The following C15orf62 variants were observed in gnomAD, a reference collection of about 807,000 sequenced individuals.
The protein encoded by C15orf62 is chromosome 15 open reading frame 62, also known as uncharacterized protein C15orf62, mitochondrial.
C15orf62 carries 11 observed loss-of-function variants against 13.2 expected under a neutral mutation model. That is an observed-to-expected ratio of 0.83 (90% CI 0.52 to 1.38). The LOEUF (loss-of-function observed/expected upper bound fraction) is 1.38. Ranked by LOEUF, C15orf62 falls within the 40% of genes most tolerant of loss-of-function variation. The pLI is 0.00. For synonymous variants in C15orf62, 88 were observed against 95.6 expected (o/e 0.92, Z 0.46); for missense variants, 204 against 229.1 (o/e 0.89, Z 0.71).
At position 40,770,679 on chromosome 15, in the gene C15orf62, C is replaced by A; in HGVS notation, c.184C>A (p.Arg62=). ...GGAGCTACAAGGGAGGCCAGATGGC[C>A]GGCGCCTGCCACTGTGGGGGGACGA... ...IRELQGRPDG[R]RLPLWGDEQP... is the part of the protein sequence containing the mutation. Residue 62 remains arginine, a synonymous_variant, in exon 1 of 1, where the codon CGG becomes AGG. Coordinates refer to ENST00000344320, the MANE Select transcript of C15orf62 (RefSeq NM_001130448.3). This position sits in a 1 kb window ranked among gnomAD's most constrained non-coding sequence, Gnocchi z 5.0. The A allele has an allele frequency of 6.5e-7, 1 of 1,548,082 alleles. No homozygotes were observed.
At position 40,771,092 on chromosome 15, in the gene C15orf62, G is replaced by A; in HGVS notation, c.*69G>A. On this transcript the variant is annotated 3_prime_UTR_variant, in exon 1 of 1. Coordinates refer to ENST00000344320, the MANE Select transcript of C15orf62 (RefSeq NM_001130448.3). Reference sequence around the variant, plus strand: ...AGGCTGGGGATTAAGGAAAGGACAGGGACAGGACTCCAGGCCCATCGCTGG... The same window carrying A: ...AGGCTGGGGATTAAGGAAAGGACAGAGACAGGACTCCAGGCCCATCGCTGG... The A allele has an allele frequency of 2.8e-6, 4 of 1,421,134 alleles. No individual in the cohort carries two copies. Among genetic ancestry groups the A allele is most frequent in the Middle Eastern group, 2.2e-4 (1 of 4,598 alleles). 88.0% of individuals were successfully genotyped at this position (1,421,134 alleles called of 1,614,324 possible).
At position 40,771,034 on chromosome 15, in the gene C15orf62, G is replaced by A. The variant is rs1258612348; in HGVS notation, c.*11G>A. The A allele has an allele frequency of 1.3e-6, 2 of 1,549,284 alleles. No homozygotes were observed. Among genetic ancestry groups the A allele is most frequent in the Non-Finnish European group, 1.7e-6 (2 of 1,146,148 alleles). On this transcript the variant is annotated 3_prime_UTR_variant, in exon 1 of 1. Coordinates refer to ENST00000344320, the MANE Select transcript of C15orf62 (RefSeq NM_001130448.3). ...GAGCCCAGCTTCTAAATGGGGTGAG[G>A]GTGGGCAAAGCCGGGGTGACTGGAA...
Position 40,770,646 on chromosome 15 carries a change from G to A in C15orf62, c.151G>A (p.Val51Ile). Residue 51 changes from valine (V) to isoleucine (I), a missense_variant, in exon 1 of 1, where the codon GTC (valine) becomes ATC (isoleucine). By Grantham distance (29) the Val-to-Ile change is conservative (BLOSUM62 3). Transcript: ENST00000344320. The surrounding 1 kb of genome is among the most constrained non-coding windows in gnomAD (Gnocchi z 5.0). Reference sequence around the variant, plus strand: ...CCACGAGGAGTACAGCAACCGAGAAGTCATCCGGGAGCTACAAGGGAGGCC... The same window carrying A: ...CCACGAGGAGTACAGCAACCGAGAAATCATCCGGGAGCTACAAGGGAGGCC... Reference protein sequence around the residue: ...GDHEEYSNREVIRELQGRPDG... With the variant: ...GDHEEYSNREIIRELQGRPDG... The A allele has an allele frequency of 6.5e-7, 1 of 1,550,228 alleles. No homozygotes were observed. Among genetic ancestry groups the A allele is most frequent in the Non-Finnish European group, 8.7e-7 (1 of 1,146,960 alleles).
chr15:40,770,467 A>G lies in C15orf62; in HGVS notation c.-29A>G, dbSNP rs755259960. 2.7e-5 allele frequency: 41 copies of G among 1,529,772 alleles called. No homozygotes were observed. In the African/African-American group the frequency reaches 5.2e-4, roughly 20 times the overall value. 94.8% of individuals were successfully genotyped at this position (1,529,772 alleles called of 1,614,324 possible). A position where few individuals can be genotyped will look rare whatever the true frequency, so the allele number is the denominator to read the frequency against. On this transcript the variant is annotated 5_prime_UTR_variant, in exon 1 of 1. Transcript: ENST00000344320. The surrounding 1 kb of genome is among the most constrained non-coding windows in gnomAD (Gnocchi z 5.0). ...CCACATGCACCCTGGCTGCTCCTGA[A>G]CACCTGTCTGCTGGCTCCCCTGGGC...
rs1889129231 is a variant in C15orf62, at chr15:40,771,176, G to T, written c.*153G>T. 6.8e-6 allele frequency: 5 copies of T among 735,814 alleles called. No individual in the cohort carries two copies. The highest frequency in any genetic ancestry group is 1.1e-5 in the Non-Finnish European group (5 of 446,930). 45.6% of individuals were successfully genotyped at this position (735,814 alleles called of 1,614,324 possible). A position where few individuals can be genotyped will look rare whatever the true frequency, so the allele number is the denominator to read the frequency against. On this transcript the variant is annotated 3_prime_UTR_variant, in exon 1 of 1. Transcript: ENST00000344320. Reference sequence around the variant, plus strand: ...GGGAGGATTCCAGGATAGGAATCCAGGGCTCTGCCTGCTCTCTGGGTCCTG... The same window carrying T: ...GGGAGGATTCCAGGATAGGAATCCATGGCTCTGCCTGCTCTCTGGGTCCTG...
rs1889108948 is a variant in C15orf62 at position 40,770,698 on chromosome 15, G to A, written c.203G>A (p.Gly68Glu). ...GATGGCCGGCGCCTGCCACTGTGGG[G>A]GGACGAGCAGCCCCGGGCCACCCTG... The part of the protein sequence containing the change: ...RPDGRRLPLW[G>E]DEQPRATLLA... Residue 68 changes from glycine (G) to glutamate (E), a missense_variant, in exon 1 of 1, where the codon GGG becomes GAG. Gly to Glu is a moderately conservative substitution (Grantham distance 98). Coordinates refer to ENST00000344320, the MANE Select transcript of C15orf62 (RefSeq NM_001130448.3). This position sits in a 1 kb window ranked among gnomAD's most constrained non-coding sequence, Gnocchi z 5.0. The A allele has an allele frequency of 1.3e-6, 2 of 1,547,698 alleles. No individual in the cohort carries two copies. Among genetic ancestry groups the A allele is most frequent in the East Asian group, 2.4e-5 (1 of 40,906 alleles).
In C15orf62 at chr15:40,771,096, A is replaced by G. The variant is rs887614358; in HGVS notation, c.*73A>G. 18 of 1,391,156 alleles carry G rather than the reference A, an allele frequency of 1.3e-5. No homozygotes were observed. The highest frequency in any genetic ancestry group is 1.7e-5 in the Non-Finnish European group (17 of 1,019,278). 86.2% of individuals were successfully genotyped at this position (1,391,156 alleles called of 1,614,324 possible). Reference sequence around the variant, plus strand: ...TGGGGATTAAGGAAAGGACAGGGACAGGACTCCAGGCCCATCGCTGGAGGG... The same window carrying G: ...TGGGGATTAAGGAAAGGACAGGGACGGGACTCCAGGCCCATCGCTGGAGGG... On this transcript the variant is annotated 3_prime_UTR_variant, in exon 1 of 1. Coordinates refer to ENST00000344320, the MANE Select transcript of C15orf62 (RefSeq NM_001130448.3).
chr15:40,770,743 C>A lies in C15orf62; in HGVS notation c.248C>A (p.Pro83Gln). 3 of 1,545,588 alleles carry A rather than the reference C, an allele frequency of 1.9e-6. No homozygotes were observed. Among genetic ancestry groups the A allele is most frequent in the Non-Finnish European group, 2.6e-6 (3 of 1,146,940 alleles). Residue 83 changes from proline to glutamine, a missense_variant, in exon 1 of 1, where the codon CCA (proline) becomes CAA (glutamine). Physicochemically the swap from Pro to Gln is moderately conservative, Grantham distance 76 (BLOSUM62 -1). Coordinates refer to ENST00000344320, the MANE Select transcript of C15orf62 (RefSeq NM_001130448.3). The surrounding 1 kb of genome is among the most constrained non-coding windows in gnomAD (Gnocchi z 5.0). ...ACCCTGCTGGCCCCACCCAAGCCCC[C>A]ACGCCTCTACCGAGAGAGCTCAAGC... ...RATLLAPPKP[P>Q]RLYRESSSCP...
chr15:40,771,864 A>G lies in C15orf62; in HGVS notation c.*841A>G, dbSNP rs953279332. The G allele has an allele frequency of 6.0e-6, 1 of 167,112 alleles. No individual in the cohort carries two copies. The highest frequency in any genetic ancestry group is 2.4e-5 in the African/African-American group (1 of 41,446). 10.4% of individuals were successfully genotyped at this position (167,112 alleles called of 1,614,324 possible). A position where few individuals can be genotyped will look rare whatever the true frequency, so the allele number is the denominator to read the frequency against. On this transcript the variant is annotated 3_prime_UTR_variant, in exon 1 of 1. Transcript: ENST00000344320. ...AGGTAGAGATAGAGTATAACTCAGG[A>G]AAAAGACCAGGCAAATCCTTAGCAG...
At position 40,770,811 on chromosome 15, in the gene C15orf62, T is replaced by C. The variant is rs1392961119; in HGVS notation, c.316T>C (p.Tyr106His). 2.6e-6 allele frequency: 4 copies of C among 1,550,338 alleles called. No homozygotes were observed. In the African/African-American group the frequency reaches 5.5e-5, roughly 21 times the overall value. ...LEPPPAYTAAYSATLPSALSL... is the reference protein window; with the variant it reads ...LEPPPAYTAAHSATLPSALSL... Reference sequence around the variant, plus strand: ...GCCCCCACCTGCCTACACAGCAGCCTACTCTGCCACCCTGCCATCGGCGCT... The same window carrying C: ...GCCCCCACCTGCCTACACAGCAGCCCACTCTGCCACCCTGCCATCGGCGCT... Residue 106 changes from tyrosine to histidine, a missense_variant, in exon 1 of 1, where the codon TAC (tyrosine) becomes CAC (histidine). Tyr to His is a moderately conservative substitution (Grantham distance 83). Coordinates refer to ENST00000344320, the MANE Select transcript of C15orf62 (RefSeq NM_001130448.3). This position sits in a 1 kb window ranked among gnomAD's most constrained non-coding sequence, Gnocchi z 5.0.
chr15:40,770,725 T>C lies in C15orf62; in HGVS notation c.230T>C (p.Leu77Pro). Reference protein sequence around the residue: ...WGDEQPRATLLAPPKPPRLYR... With the variant: ...WGDEQPRATLPAPPKPPRLYR... ...GACGAGCAGCCCCGGGCCACCCTGC[T>C]GGCCCCACCCAAGCCCCCACGCCTC... The change falls in exon 1 of 1, where the codon CTG (leucine) becomes CCG (proline). Residue 77 changes from leucine (L) to proline (P), a missense_variant. Transcript: ENST00000344320. The surrounding 1 kb of genome is among the most constrained non-coding windows in gnomAD (Gnocchi z 5.0). The C allele has an allele frequency of 4.5e-6, 7 of 1,545,916 alleles. No individual in the cohort carries two copies. The highest frequency in any genetic ancestry group is 6.1e-6 in the Non-Finnish European group (7 of 1,146,898).
chr15:40,770,734 C>G lies in C15orf62; in HGVS notation c.239C>G (p.Pro80Arg). The change falls in exon 1 of 1, where the codon CCC (proline) becomes CGC (arginine). Residue 80 changes from proline to arginine, a missense_variant. By Grantham distance (103) the Pro-to-Arg change is moderately radical (BLOSUM62 -2). Coordinates refer to ENST00000344320, the MANE Select transcript of C15orf62 (RefSeq NM_001130448.3). The surrounding 1 kb of genome is among the most constrained non-coding windows in gnomAD (Gnocchi z 5.0). ...EQPRATLLAP[P>R]KPPRLYRESS... ...CCCCGGGCCACCCTGCTGGCCCCAC[C>G]CAAGCCCCCACGCCTCTACCGAGAG... is the stretch of plus-strand genomic sequence containing the variant. 1 of 1,545,674 alleles carries G rather than the reference C, an allele frequency of 6.5e-7. No individual in the cohort carries two copies. The highest frequency in any genetic ancestry group is 8.7e-7 in the Non-Finnish European group (1 of 1,146,936).
Position 40,770,717 on chromosome 15 carries a change from C to T in C15orf62, c.222C>T (p.Ala74=). Residue 74 remains alanine, a synonymous_variant, in exon 1 of 1, where the codon GCC becomes GCT. Transcript: ENST00000344320. This position sits in a 1 kb window ranked among gnomAD's most constrained non-coding sequence, Gnocchi z 5.0. The part of the protein sequence containing the change: ...LPLWGDEQPR[A]TLLAPPKPPR... ...TGTGGGGGGACGAGCAGCCCCGGGC[C>T]ACCCTGCTGGCCCCACCCAAGCCCC... 1.3e-6 allele frequency: 2 copies of T among 1,546,310 alleles called. No homozygotes were observed. The highest frequency in any genetic ancestry group is 8.7e-7 in the Non-Finnish European group (1 of 1,146,902).
Position 40,770,482 on chromosome 15 carries a change from C to T in C15orf62, c.-14C>T, listed in dbSNP as rs1889097498. The T allele has an allele frequency of 6.5e-7, 1 of 1,540,270 alleles. No homozygotes were observed. Among genetic ancestry groups the T allele is most frequent in the East Asian group, 2.4e-5 (1 of 40,854 alleles). ...CTGCTCCTGAACACCTGTCTGCTGG[C>T]TCCCCTGGGCCCCATGGAGACCTGG... On this transcript the variant is annotated 5_prime_UTR_variant, in exon 1 of 1. Coordinates refer to ENST00000344320, the MANE Select transcript of C15orf62 (RefSeq NM_001130448.3). The surrounding 1 kb of genome is among the most constrained non-coding windows in gnomAD (Gnocchi z 5.0).
chr15:40,770,482 C>A lies in C15orf62; in HGVS notation c.-14C>A. ...CTGCTCCTGAACACCTGTCTGCTGG[C>A]TCCCCTGGGCCCCATGGAGACCTGG... is the stretch of plus-strand genomic sequence containing the variant. On this transcript the variant is annotated 5_prime_UTR_variant, in exon 1 of 1. Transcript: ENST00000344320. The surrounding 1 kb of genome is among the most constrained non-coding windows in gnomAD (Gnocchi z 5.0). 1 of 1,540,270 alleles carries A rather than the reference C, an allele frequency of 6.5e-7. No individual in the cohort carries two copies. The highest frequency in any genetic ancestry group is 8.8e-7 in the Non-Finnish European group (1 of 1,142,312).
rs200470384 is a variant in C15orf62, at chr15:40,770,683, G to A, written c.188G>A (p.Arg63His). ...CTACAAGGGAGGCCAGATGGCCGGC[G>A]CCTGCCACTGTGGGGGGACGAGCAG... ...RELQGRPDGR[R>H]LPLWGDEQPR... is the part of the protein sequence containing the mutation. The change falls in exon 1 of 1, where the codon CGC becomes CAC. Residue 63 changes from arginine (R) to histidine (H), a missense_variant. Transcript: ENST00000344320. This position sits in a 1 kb window ranked among gnomAD's most constrained non-coding sequence, Gnocchi z 5.0. 9.7e-6 allele frequency: 15 copies of A among 1,547,258 alleles called. No individual in the cohort carries two copies. Among genetic ancestry groups the A allele is most frequent in the African/African-American group, 1.4e-5 (1 of 73,018 alleles).
In C15orf62 at chr15:40,770,851, C is replaced by T; in HGVS notation, c.356C>T (p.Ala119Val). 3.2e-6 allele frequency: 5 copies of T among 1,551,476 alleles called. No homozygotes were observed. The highest frequency in any genetic ancestry group is 4.4e-6 in the Non-Finnish European group (5 of 1,146,998). ...CCATCGGCGCTCTCTCTGTCGAGTG[C>T]CCTCCACCAGCACTCAGAGAAGGGC... is the stretch of plus-strand genomic sequence containing the variant. ...TLPSALSLSS[A>V]LHQHSEKGLV... is the part of the protein sequence containing the mutation. The change falls in exon 1 of 1, where the codon GCC becomes GTC. Residue 119 changes from alanine to valine, a missense_variant. Ala to Val is a moderately conservative substitution (Grantham distance 64, BLOSUM62 0). Transcript: ENST00000344320. The surrounding 1 kb of genome is among the most constrained non-coding windows in gnomAD (Gnocchi z 5.0).
Position 40,770,107 on chromosome 15 carries a change from T to A in C15orf62, c.-389T>A, listed in dbSNP as rs1889085589. On this transcript the variant is annotated 5_prime_UTR_variant, in exon 1 of 1. Coordinates refer to ENST00000344320, the MANE Select transcript of C15orf62 (RefSeq NM_001130448.3). The surrounding 1 kb of genome is among the most constrained non-coding windows in gnomAD (Gnocchi z 5.0). ...GCTCGGGCCATCTGCTGCCTGCCTG[T>A]GGAAGGAGCGCTCGCCAGCCTCACC... The A allele has an allele frequency of 4.9e-6, 1 of 205,898 alleles. No individual in the cohort carries two copies. Among genetic ancestry groups the A allele is most frequent in the Admixed American group, 5.3e-5 (1 of 18,984 alleles). 12.8% of individuals were successfully genotyped at this position (205,898 alleles called of 1,614,324 possible).
rs1156364170 is a variant in C15orf62 at position 40,771,258 on chromosome 15, G to C, written c.*235G>C. ...GACAGAGGCAATCTGGAAATGTTGG[G>C]GGGGCGGCCCTTCCTGGCAGGACCC... On this transcript the variant is annotated 3_prime_UTR_variant, in exon 1 of 1. Coordinates refer to ENST00000344320, the MANE Select transcript of C15orf62 (RefSeq NM_001130448.3). 1.6e-5 allele frequency: 9 copies of C among 567,068 alleles called. No homozygotes were observed. The Admixed American group carries it at 1.9e-4, about 12-fold the overall frequency. The allele number at this position is 567,068 out of a possible 1,614,324, so 35.1% of individuals were successfully genotyped here. A position where few individuals can be genotyped will look rare whatever the true frequency, so the allele number is the denominator to read the frequency against.
Sources: gnomAD v4.1 joint callset for allele counts on GRCh38, gnomAD v4.1.1 for gene constraint, Gnocchi (gnomAD v3.1) non-coding constraint, MANE v1.5 for transcripts, NCBI Gene and HGNC (gene_info 2026-07-23, HGNC 2026-07-21) for gene names.